The following COX15 variants were observed in gnomAD, a reference collection of about 807,000 sequenced individuals.
COX15 encodes the protein heme A synthase COX15.
A neutral mutation model predicts 51.9 loss-of-function variants in COX15; 51 were observed. The observed-to-expected ratio is 0.98, with a 90% CI of 0.78 to 1.24. COX15 has a LOEUF of 1.24. Among genes scored for constraint, COX15 ranks in the 50% most tolerant of loss-of-function variants. COX15 has a pLI of 0.00. For missense variants in COX15, 420 were observed against 501.1 expected, an observed-to-expected ratio of 0.84 and a Z score of 1.55; for synonymous variants, 188 against 190.5, an observed-to-expected ratio of 0.99 and a Z score of 0.11.
chr10:99,700,814 G>C, the COX15 span: 1 of 689,414 alleles, frequency 1.5e-6, no homozygotes, highest in East Asian at 2.5e-5. Context: ...ATAAACAGGG[G>C]TATGACGCAG....
chr10:99,709,498 A>G (rs2036317381), downstream of COX15: 2 of 984,986 alleles, frequency 2.0e-6, no homozygotes, highest in African/African-American at 3.5e-5. Flanking sequence ...CTAAGACTCA[A>G]AACCAAAAGT....
chr10:99,728,170 G>A (rs2133626702), intron 2 of COX15, among the ~76,000 whole-genome samples: 1 of 152,266 alleles, frequency 6.6e-6, no homozygotes, highest in South Asian at 2.1e-4. Flanking sequence ...AGATGAGCTC[G>A]GAACATCTTG....
Position 99,721,072 on chromosome 10 carries a change from A to G in COX15, c.751-4T>C, listed in dbSNP as rs2036752486. 1 of 1,610,030 alleles carries G rather than the reference A, an allele frequency of 6.2e-7. No homozygotes were observed. The highest frequency in any genetic ancestry group is 8.5e-7 in the Non-Finnish European group (1 of 1,178,030). On this transcript the variant is annotated splice_region_variant and splice_polypyrimidine_tract_variant and intron_variant, in intron 5 of 8. Transcript: ENST00000016171. Reference sequence around the variant, plus strand: ...GGAGTTGGTGGGTTTCAGGCAACTAAATATGAAAAAAAATCATTCAGTTAA... The same window carrying G: ...GGAGTTGGTGGGTTTCAGGCAACTAGATATGAAAAAAAATCATTCAGTTAA...
chr10:99,703,376 G>A, the COX15 span, among the ~76,000 whole-genome samples: 12 of 152,240 alleles, frequency 7.9e-5, no homozygotes, highest in East Asian at 2.3e-3. Context: ...GGTGGGGGTT[G>A]CCCACAACTG....
chr10:99,724,374 G>A (rs2036878801), intron 4 of COX15, among the ~76,000 whole-genome samples: 2 of 152,012 alleles, frequency 1.3e-5, no homozygotes, highest in South Asian at 4.1e-4. Context: ...GTAGAGATGG[G>A]GTTTCACCAT....
In COX15 at chr10:99,713,008, T is replaced by C. The variant is rs2036445032; in HGVS notation, c.*1579A>G. The C allele has an allele frequency of 8.9e-7, 1 of 1,122,934 alleles. No homozygotes were observed. The highest frequency in any genetic ancestry group is 1.1e-6 in the Non-Finnish European group (1 of 912,572). 69.6% of individuals were successfully genotyped at this position (1,122,934 alleles called of 1,614,324 possible). A position where few individuals can be genotyped will look rare whatever the true frequency, so the allele number is the denominator to read the frequency against. ...CTGTGTGACAGGGGTTCTGGACTCA[T>C]CATTCTGATCTCTTCTTCTGGATAC... On this transcript the variant is annotated 3_prime_UTR_variant, in exon 9 of 9. Transcript: ENST00000016171.
chr10:99,708,148 CA>C (rs2036288663), downstream of COX15, among the ~76,000 whole-genome samples: 1 of 152,098 alleles, frequency 6.6e-6, no homozygotes, highest in Admixed American at 6.6e-5. Flanking sequence ...AAATGTCTTC[CA>C]AAGTATCCTG....
At position 99,712,695 on chromosome 10, in the gene COX15, C is replaced by T; in HGVS notation, c.*1892G>A. 1 of 828,176 alleles carries T rather than the reference C, an allele frequency of 1.2e-6. No individual in the cohort carries two copies. Among genetic ancestry groups the T allele is most frequent in the Non-Finnish European group, 1.5e-6 (1 of 686,630 alleles). The allele number at this position is 828,176 out of a possible 1,614,324, so 51.3% of individuals were successfully genotyped here. A position where few individuals can be genotyped will look rare whatever the true frequency, so the allele number is the denominator to read the frequency against. On this transcript the variant is annotated 3_prime_UTR_variant, in exon 9 of 9. Transcript: ENST00000016171. ...GGACCTGTAGAGTGGCAGCAACAGA[C>T]CAGAACTCAGCAGTATAGTCCGAGC...
the COX15 span, chr10:99,697,619 C>T: frequency 6.4e-6 from 1 of 155,574 alleles, no homozygotes; most frequent in East Asian, 1.9e-4. Flanking sequence ...TGTCTCTTCT[C>T]AATAACAATT....
intron 4 of COX15, among the ~76,000 whole-genome samples, chr10:99,726,041 T>C (rs1184162658): frequency 6.6e-6 from 1 of 152,198 alleles, no homozygotes; most frequent in African/African-American, 2.4e-5. Context: ...TTTTTTTTTT[T>C]CATCATTCTA....
At chr10:99,702,999 A>G in the COX15 span, among the ~76,000 whole-genome samples, 1 of 152,224 alleles carries the variant, frequency 6.6e-6, no homozygotes, top group Admixed American at 6.5e-5. Flanking sequence ...CTGACAAGCT[A>G]AAATGTCATT....
At chr10:99,720,900 T>A (rs950016100) in intron 6 of COX15, 87 bp downstream of exon 6, 140 of 963,658 alleles carry the variant, frequency 1.5e-4, no homozygotes, top group Non-Finnish European at 2.3e-4. Context: ...AATATAAAGA[T>A]GCAGGAGGAA....
At chr10:99,709,367 A>G, downstream of COX15, 1 of 985,398 alleles carries the variant, frequency 1.0e-6, no homozygotes, top group South Asian at 4.7e-5. Context: ...TGGTAGAAAT[A>G]GCAGATGTTT....
At chr10:99,705,708 TAGA>T in the COX15 span, 1 of 152,244 alleles carries the variant, frequency 6.6e-6, no homozygotes, top group Non-Finnish European at 1.5e-5. Context: ...TTCTGAGAAA[TAGA>T]AGTTTCTCAA....
chr10:99,717,475 T>C (rs1175923123), intron 7 of COX15, among the ~76,000 whole-genome samples: 3 of 152,224 alleles, frequency 2.0e-5, no homozygotes, highest in South Asian at 4.1e-4. Context: ...CCTCCCAAAG[T>C]GCTGGGATTA....
At chr10:99,696,867 G>A in the COX15 span, among the ~76,000 whole-genome samples, 4 of 152,194 alleles carry the variant, frequency 2.6e-5, no homozygotes, top group African/African-American at 4.8e-5. Flanking sequence ...TTGTGGTGGC[G>A]TAGGTAGGGC....
At chr10:99,700,507 T>C in the COX15 span, among the ~76,000 whole-genome samples, 2 of 151,970 alleles carry the variant, frequency 1.3e-5, no homozygotes, top group African/African-American at 4.8e-5. Flanking sequence ...TTTGTCTGTT[T>C]TATTTACTGC....
chr10:99,710,381 C>T, downstream of COX15: 1 of 985,332 alleles, frequency 1.0e-6, no homozygotes, highest in Non-Finnish European at 1.2e-6. Flanking sequence ...CCATGTACTC[C>T]CCCTTTATTT....
chr10:99,726,076 G>A (rs188523086), intron 4 of COX15, among the ~76,000 whole-genome samples: 2 of 152,132 alleles, frequency 1.3e-5, no homozygotes, highest in Admixed American at 1.3e-4. Context: ...TTAACTGTGG[G>A]AGTCTTTCCT....
Sources: gnomAD v4.1 joint callset for allele counts (sites outside exome capture counted in the v4.1 genomes callset) on GRCh38, gnomAD v4.1.1 for gene constraint, MANE v1.5 for transcripts, NCBI Gene and HGNC (gene_info 2026-07-23, HGNC 2026-07-21) for gene names.